SOCS4: variants seen among roughly 807,000 people sequenced by gnomAD.
SOCS4 encodes the protein suppressor of cytokine signaling 4, also known as SH2 domain containing SOCS box protein.
SOCS4 carries 20 observed loss-of-function variants against 34.1 expected under a neutral mutation model. That is an observed-to-expected ratio of 0.59 (90% CI 0.41 to 0.85). SOCS4 has a LOEUF of 0.85. Ranked by LOEUF, SOCS4 falls within the 40% of genes least tolerant of loss-of-function variation. SOCS4 has a pLI of 0.00. For missense variants in SOCS4, 479 were observed against 532.4 expected (o/e 0.90, Z 0.99); for synonymous variants, 180 against 186.4 (o/e 0.97, Z 0.28).
intron 2 of SOCS4, 83 bp downstream of exon 2, chr14:55,032,074 A>T (rs2042533468): frequency 6.6e-6 from 1 of 152,250 alleles, no homozygotes; most frequent in South Asian, 2.1e-4. Flanking sequence ...GTGAATTATT[A>T]ATGTAGTATA....
intron 2 of SOCS4, among the ~76,000 whole-genome samples, chr14:55,033,085 TAC>T (rs1566753234): frequency 6.6e-6 from 1 of 152,088 alleles, no homozygotes; most frequent in East Asian, 1.9e-4. Context: ...CCCGGCCCTA[TAC>T]AAAGTTTTTA....
At chr14:55,041,622 C>T (rs1389746247) in intron 2 of SOCS4, among the ~76,000 whole-genome samples, 1 of 150,020 alleles carries the variant, frequency 6.7e-6, no homozygotes, top group African/African-American at 2.5e-5. Context: ...TTACAGGCAC[C>T]CGTCACTGTG....
At chr14:55,038,142 C>T (rs1280136993) in intron 2 of SOCS4, among the ~76,000 whole-genome samples, 1 of 152,186 alleles carries the variant, frequency 6.6e-6, no homozygotes, top group Non-Finnish European at 1.5e-5. Context: ...GGGGAACTCC[C>T]ATTTATAAAA....
In SOCS4 at chr14:55,047,716, G is replaced by A. The variant is rs544573149; in HGVS notation, c.*3352G>A. On this transcript the variant is annotated 3_prime_UTR_variant, in exon 3 of 3. Transcript: ENST00000555846. ...TCAGTAATTAGAAATCCCTTAATAA[G>A]TAGAACAAATGTGGCAAGTAGGACT... 1 of 167,140 alleles carries A rather than the reference G, an allele frequency of 6.0e-6. No individual in the cohort carries two copies. The highest frequency in any genetic ancestry group is 2.4e-5 in the African/African-American group (1 of 41,542). The allele number at this position is 167,140 out of a possible 1,614,324, so 10.4% of individuals were successfully genotyped here. A position where few individuals can be genotyped will look rare whatever the true frequency, so the allele number is the denominator to read the frequency against.
At chr14:55,036,757 G>C (rs2042575502) in intron 2 of SOCS4, among the ~76,000 whole-genome samples, 1 of 152,002 alleles carries the variant, frequency 6.6e-6, no homozygotes, top group Non-Finnish European at 1.5e-5. Context: ...TTTCTGTCTA[G>C]TTAACCATTT....
At chr14:55,037,390 G>A (rs779071457) in intron 2 of SOCS4, among the ~76,000 whole-genome samples, 1 of 151,604 alleles carries the variant, frequency 6.6e-6, no homozygotes, top group Non-Finnish European at 1.5e-5. Flanking sequence ...TGATCCACCT[G>A]CCTCCCAAAG....
rs749490375 is a variant in SOCS4, at chr14:55,044,321, AAGTT to A, written c.1283_1286del (p.Val428GlufsTer21). The stretch of plus-strand genomic sequence containing the variant: ...CTGAAGGAATATCATTATAAATCAA[AAGTT>A]AGAGTACTCAGGATTGATGCACCAG... On this transcript the variant is annotated frameshift_variant, in exon 3 of 3. Coordinates refer to ENST00000555846, the MANE Select transcript of SOCS4 (RefSeq NM_199421.2). LOFTEE classifies it high-confidence loss of function. 77 of 1,613,402 alleles carry A rather than the reference AAGTT, an allele frequency of 4.8e-5. 1 individual carries two copies. The South Asian group carries it at 7.9e-4, about 17-fold the overall frequency.
At chr14:55,042,749 T>C (rs2042631356) in intron 2 of SOCS4, among the ~76,000 whole-genome samples, 1 of 152,216 alleles carries the variant, frequency 6.6e-6, no homozygotes, top group African/African-American at 2.4e-5. Context: ...CTCTTCACTC[T>C]ATGGCACTAT....
intron 2 of SOCS4, among the ~76,000 whole-genome samples, chr14:55,039,370 C>T (rs1437601398): frequency 1.3e-5 from 2 of 151,904 alleles, no homozygotes; most frequent in Admixed American, 6.6e-5. Context: ...CCTGGGAGGT[C>T]GAGGCTGCAG....
At position 55,043,998 on chromosome 14, in the gene SOCS4, A is replaced by G; in HGVS notation, c.957A>G (p.Leu319=). 6.2e-7 allele frequency: 1 copy of G among 1,614,170 alleles called. No homozygotes were observed. Among genetic ancestry groups the G allele is most frequent in the Non-Finnish European group, 8.5e-7 (1 of 1,180,020 alleles). The change falls in exon 3 of 3, where the codon TTA becomes TTG. Residue 319 remains leucine (L), a synonymous_variant. Transcript: ENST00000555846. ...LLRDSAQEDY[L]FSVSFRRYSR... is the part of the protein sequence containing the mutation. ...GAGACTCAGCACAGGAAGACTATTTATTCTCTGTTAGTTTTAGACGCTATA... is the reference window on the plus strand; with the variant it reads ...GAGACTCAGCACAGGAAGACTATTTGTTCTCTGTTAGTTTTAGACGCTATA...
At chr14:55,031,798 T>C (rs1478371780) in intron 1 of SOCS4, 65 bp from the exon 2 acceptor site, 1 of 152,236 alleles carries the variant, frequency 6.6e-6, no homozygotes, top group African/African-American at 2.4e-5. Flanking sequence ...AACATTTGTT[T>C]TTTAGGTCAG....
chr14:55,038,482 G>T (rs997463375), intron 2 of SOCS4, among the ~76,000 whole-genome samples: 1 of 152,070 alleles, frequency 6.6e-6, no homozygotes, highest in African/African-American at 2.4e-5. Flanking sequence ...TTTCTCTTTG[G>T]CCATTCTCTT....
In SOCS4 at chr14:55,048,878, C is replaced by T. The variant is rs2042700796; in HGVS notation, c.*4514C>T. On this transcript the variant is annotated 3_prime_UTR_variant, in exon 3 of 3. Transcript: ENST00000555846. ...AGCGTACTTTAAAATAATTGCTGTA[C>T]AGCCATTGAGTACTAACATGATGAT... is the stretch of plus-strand genomic sequence containing the variant. The T allele has an allele frequency of 6.0e-6, 1 of 167,020 alleles. No individual in the cohort carries two copies. The highest frequency in any genetic ancestry group is 2.4e-5 in the African/African-American group (1 of 41,432). 10.3% of individuals were successfully genotyped at this position (167,020 alleles called of 1,614,324 possible).
In SOCS4 at chr14:55,048,761, C is replaced by T. The variant is rs148233923; in HGVS notation, c.*4397C>T. On this transcript the variant is annotated 3_prime_UTR_variant, in exon 3 of 3. Coordinates refer to ENST00000555846, the MANE Select transcript of SOCS4 (RefSeq NM_199421.2). ...TCTAATTTTGAACAGATGACTCAGT[C>T]CTAAATCTTTGCCTTTATTTCCTAT... The T allele has an allele frequency of 8.6e-3, 1,438 of 167,110 alleles. 25 individuals are homozygous for T. The highest frequency in any genetic ancestry group is 0.054 in the Middle Eastern group (16 of 296). The allele number at this position is 167,110 out of a possible 1,614,324, so 10.4% of individuals were successfully genotyped here.
chr14:55,037,139 A>G (rs1409577469), intron 2 of SOCS4, among the ~76,000 whole-genome samples: 1 of 141,938 alleles, frequency 7.0e-6, no homozygotes, highest in Admixed American at 7.0e-5. Context: ...AAATTATTTT[A>G]GCAATCATAT....
At chr14:55,030,979 A>G (rs940650710) in intron 1 of SOCS4, among the ~76,000 whole-genome samples, 3 of 152,170 alleles carry the variant, frequency 2.0e-5, no homozygotes, top group African/African-American at 7.2e-5. Context: ...CAAAATGTCA[A>G]AATTGCTTGC....
At chr14:55,038,189 G>A (rs1383611127) in intron 2 of SOCS4, among the ~76,000 whole-genome samples, 1 of 152,234 alleles carries the variant, frequency 6.6e-6, no homozygotes, top group Non-Finnish European at 1.5e-5. Context: ...CATGAGAACA[G>A]TATGGGGGAA....
intron 2 of SOCS4, among the ~76,000 whole-genome samples, chr14:55,042,422 G>T (rs571146260): frequency 1.3e-4 from 20 of 152,094 alleles, no homozygotes; most frequent in Non-Finnish European, 2.5e-4. Flanking sequence ...AATGGTGATT[G>T]TTTATTTAAT....
rs768398636 is a variant in SOCS4 at position 55,044,275 on chromosome 14, CCTT to C, written c.1240_1242del (p.Ser414del). 1.4e-5 allele frequency: 22 copies of C among 1,613,792 alleles called. No individual in the cohort carries two copies. The Admixed American group carries it at 2.2e-4, about 16-fold the overall frequency. On this transcript the variant is annotated inframe_deletion, in exon 3 of 3. Coordinates refer to ENST00000555846, the MANE Select transcript of SOCS4 (RefSeq NM_199421.2). Reference sequence around the variant, plus strand: ...TGATGGCATCGATGCCCTTCCAATTCCTTCTTCTATGAAATTATATCTGAAGGA... The same window carrying C: ...TGATGGCATCGATGCCCTTCCAATTCCTTCTATGAAATTATATCTGAAGGA...
Sources: allele counts gnomAD v4.1 joint callset (sites outside exome capture counted in the v4.1 genomes callset), GRCh38; gene constraint gnomAD v4.1.1; transcripts MANE v1.5; gene names NCBI Gene and HGNC (gene_info 2026-07-23, HGNC 2026-07-21).